Variants in NEK1 observed in about 807,000 individuals in gnomAD.
The protein encoded by NEK1 is serine/threonine-protein kinase Nek1.
In NEK1, 137 loss-of-function variants were observed where a neutral mutation model predicts 182.1. The ratio of observed to expected loss-of-function variants is 0.75; its 90% confidence interval spans 0.65 to 0.87. NEK1 has a LOEUF of 0.87. NEK1 is among the 40% of genes least tolerant of loss of function. The probability of loss-of-function intolerance (pLI) is 0.00; values close to 1 mark genes in which losing one functional copy is unlikely to be tolerated. For synonymous variants in NEK1, 513 were observed against 492.2 expected, an observed-to-expected ratio of 1.04 and a Z score of -0.56; for missense variants, 1,391 against 1,494.4, an observed-to-expected ratio of 0.93 and a Z score of 1.14.
chr4:169,470,217 T>C (rs113705642), intron 26 of NEK1, among the ~76,000 whole-genome samples: 7,263 of 152,292 alleles, frequency 0.048, 173 homozygotes, highest in Non-Finnish European at 0.055. Context: ...AGTTTCTTCA[T>C]AGTGTCAATG....
At chr4:169,397,709 G>T (rs143520188) in intron 35 of NEK1, among the ~76,000 whole-genome samples, 1 of 152,232 alleles carries the variant, frequency 6.6e-6, no homozygotes, top group East Asian at 1.9e-4. Context: ...CCTGATTCTT[G>T]GTCCTTTGCA....
chr4:169,607,572 T>C (rs951679436), intron 2 of NEK1, among the ~76,000 whole-genome samples: 7 of 152,072 alleles, frequency 4.6e-5, no homozygotes, highest in Admixed American at 2.6e-4. Flanking sequence ...ACGCCATTCT[T>C]CTGCCTCAGC....
intron 21 of NEK1, 90 bp from the exon 22 acceptor site, chr4:169,507,882 A>C: frequency 1.0e-6 from 1 of 960,238 alleles, no homozygotes. Flanking sequence ...AATAAACTAA[A>C]ATCTAAAAAT....
intron 31 of NEK1, among the ~76,000 whole-genome samples, chr4:169,420,372 A>G (rs1336323439): frequency 6.6e-6 from 1 of 152,262 alleles, no homozygotes; most frequent in Non-Finnish European, 1.5e-5. Context: ...AAGTATTAAA[A>G]ATACACAAAC....
chr4:169,467,970 T>C (rs1745241256), intron 26 of NEK1, among the ~76,000 whole-genome samples: 1 of 151,934 alleles, frequency 6.6e-6, no homozygotes, highest in African/African-American at 2.4e-5. Context: ...ATGTTAAATA[T>C]AAAGACACAT....
At chr4:169,395,168 T>C (rs948802663) in intron 35 of NEK1, among the ~76,000 whole-genome samples, 6 of 152,210 alleles carry the variant, frequency 3.9e-5, no homozygotes, top group South Asian at 2.1e-4. Flanking sequence ...CTTAATCTTA[T>C]ATGCAAGCAC....
intron 5 of NEK1, among the ~76,000 whole-genome samples, chr4:169,596,703 A>T (rs776234738): frequency 6.6e-6 from 1 of 152,194 alleles, no homozygotes; most frequent in South Asian, 2.1e-4. Flanking sequence ...GGACAAAATC[A>T]TCTCAAACTG....
chr4:169,473,564 G>C (rs1746408031), intron 26 of NEK1, among the ~76,000 whole-genome samples: 1 of 151,994 alleles, frequency 6.6e-6, no homozygotes, highest in African/African-American at 2.4e-5. Context: ...AATATTTAAA[G>C]TACAGAAATA....
chr4:169,496,031 A>G (rs1751200037), intron 23 of NEK1, among the ~76,000 whole-genome samples: 2 of 152,328 alleles, frequency 1.3e-5, no homozygotes, highest in South Asian at 4.1e-4. Flanking sequence ...CTTCCCACCC[A>G]TGAGCATGGA....
intron 23 of NEK1, among the ~76,000 whole-genome samples, chr4:169,494,236 T>G (rs1466582139): frequency 6.6e-6 from 1 of 152,158 alleles, no homozygotes; most frequent in Non-Finnish European, 1.5e-5. Context: ...CTCCTAATGC[T>G]ATCCCTCCCC....
intron 19 of NEK1, among the ~76,000 whole-genome samples, chr4:169,514,699 T>A (rs1266956796): frequency 1.3e-5 from 2 of 152,198 alleles, no homozygotes; most frequent in Non-Finnish European, 2.9e-5. Flanking sequence ...TCTATAATTA[T>A]ACCCATTTTT....
At chr4:169,602,174 T>C (rs964784696) in intron 3 of NEK1, 70 bp from the exon 4 acceptor site, 2 of 1,071,816 alleles carry the variant, frequency 1.9e-6, no homozygotes, top group Non-Finnish European at 2.9e-6. Flanking sequence ...CATCAATAGG[T>C]GAGTGGTTAA....
At chr4:169,558,163 A>G (rs957074159) in intron 16 of NEK1, among the ~76,000 whole-genome samples, 3 of 152,222 alleles carry the variant, frequency 2.0e-5, no homozygotes, top group Non-Finnish European at 4.4e-5. Flanking sequence ...TGCTAATATC[A>G]TCTTAACTTG....
intron 18 of NEK1, among the ~76,000 whole-genome samples, chr4:169,549,270 G>A (rs538528351): frequency 2.6e-5 from 4 of 152,266 alleles, no homozygotes; most frequent in East Asian, 3.9e-4. Flanking sequence ...GCTTCAGCTC[G>A]CCCTCCTTGG....
chr4:169,584,785 G>C (rs1480626256), intron 10 of NEK1, among the ~76,000 whole-genome samples: 1 of 152,122 alleles, frequency 6.6e-6, no homozygotes, highest in Non-Finnish European at 1.5e-5. Flanking sequence ...TTTGCTCACA[G>C]GTGAGGAGAG....
rs1411755724 is a variant in NEK1 at position 169,562,171 on chromosome 4, A to G, written c.1046T>C (p.Val349Ala). The change falls in exon 13 of 36, where the codon GTG becomes GCG. Residue 349 changes from valine to alanine, a missense_variant. Val to Ala is a moderately conservative substitution (Grantham distance 64). Coordinates refer to ENST00000507142, the MANE Select transcript of NEK1 (RefSeq NM_001199397.3). ...TTTCCTCCTTTCTTCTCCAGTATTC[A>G]CTCTCTTCTCTGGAGTTTGATGGGC... The part of the protein sequence containing the change: ...KQAHQTPEKR[V>A]NTGEERRKIS... 1 of 1,548,910 alleles carries G rather than the reference A, an allele frequency of 6.5e-7. No homozygotes were observed. Among genetic ancestry groups the G allele is most frequent in the Non-Finnish European group, 8.7e-7 (1 of 1,144,738 alleles).
At chr4:169,556,630 T>C (rs934539568) in intron 16 of NEK1, among the ~76,000 whole-genome samples, 1 of 151,642 alleles carries the variant, frequency 6.6e-6, no homozygotes, top group African/African-American at 2.4e-5. Context: ...AGTTTCCAAG[T>C]AAGTTGGGAA....
At chr4:169,482,395 G>A (rs1286388443) in intron 23 of NEK1, among the ~76,000 whole-genome samples, 1 of 151,668 alleles carries the variant, frequency 6.6e-6, no homozygotes, top group Non-Finnish European at 1.5e-5. Context: ...AGGCTCAAAT[G>A]ATCATTCTGC....
intron 23 of NEK1, among the ~76,000 whole-genome samples, chr4:169,499,812 T>TG (rs981894753): frequency 6.6e-6 from 1 of 152,206 alleles, no homozygotes; most frequent in East Asian, 1.9e-4. Flanking sequence ...CTGCCCCTAC[T>TG]GGGGGGTGCC....
Sources: allele counts gnomAD v4.1 joint callset (sites outside exome capture counted in the v4.1 genomes callset), GRCh38; gene constraint gnomAD v4.1.1; transcripts MANE v1.5; gene names NCBI Gene and HGNC (gene_info 2026-07-23, HGNC 2026-07-21).